Variants in MRPL37 observed in about 807,000 individuals in gnomAD.
MRPL37 encodes the protein mitochondrial ribosomal protein L37, also known as large ribosomal subunit protein mL37.
Under a neutral mutation model 44.1 loss-of-function variants are expected in MRPL37, and 34 were observed. The observed-to-expected ratio is 0.77, with a 90% CI of 0.59 to 1.03. The LOEUF (loss-of-function observed/expected upper bound fraction) is 1.03. MRPL37 is among the 50% of genes least tolerant of loss of function. The pLI is 0.00. For missense variants in MRPL37, 532 were observed against 543.7 expected, an observed-to-expected ratio of 0.98 and a Z score of 0.21; for synonymous variants, 212 against 219.5, an observed-to-expected ratio of 0.97 and a Z score of 0.30.
intron 4 of MRPL37, among the ~76,000 whole-genome samples, chr1:54,211,490 C>CTTTTTTT (rs11405348): frequency 2.0e-5 from 3 of 148,784 alleles, no homozygotes; most frequent in African/African-American, 2.5e-5. Flanking sequence ...TTCCTAGCCT[C>CTTTTTTT]TTTTTTTTTT....
chr1:54,200,588 G>A lies in MRPL37; in HGVS notation c.345G>A (p.Glu115=). 1.3e-6 allele frequency: 2 copies of A among 1,591,064 alleles called. No homozygotes were observed. Among genetic ancestry groups the A allele is most frequent in the East Asian group, 2.3e-5 (1 of 44,432 alleles). Residue 115 remains glutamate (E), a splice_region_variant and synonymous_variant, in exon 1 of 7, where the codon GAG becomes GAA. Transcript: ENST00000360840. ...YIFHHRCRLL[E]GVKQALWLTK... Reference sequence around the variant, plus strand: ...TTCACCACCGTTGCCGCCTTCTCGAGGGTGAGGCCCCAGGACGGGCGGCAA... The same window carrying A: ...TTCACCACCGTTGCCGCCTTCTCGAAGGTGAGGCCCCAGGACGGGCGGCAA...
intron 1 of MRPL37, among the ~76,000 whole-genome samples, chr1:54,204,045 G>A (rs1557730745): frequency 6.6e-6 from 1 of 152,030 alleles, no homozygotes; most frequent in Admixed American, 6.6e-5. Context: ...GTTGACCTCT[G>A]GTATACAGAA....
At chr1:54,210,770 C>T (rs1397135604) in intron 4 of MRPL37, among the ~76,000 whole-genome samples, 1 of 152,176 alleles carries the variant, frequency 6.6e-6, no homozygotes, top group East Asian at 1.9e-4. Context: ...CTTACCTAGC[C>T]TATTGCCACA....
chr1:54,218,301 G>A lies in MRPL37; in HGVS notation c.*52G>A. On this transcript the variant is annotated 3_prime_UTR_variant, in exon 7 of 7. Coordinates refer to ENST00000360840, the MANE Select transcript of MRPL37 (RefSeq NM_016491.4). ...CCCCTCTTGCCTCTCTTCCACGGAA[G>A]AGGGCCTGGGCCCCGTGGAGCCTCA... is the stretch of plus-strand genomic sequence containing the variant. 6.2e-7 allele frequency: 1 copy of A among 1,613,496 alleles called. No homozygotes were observed. The highest frequency in any genetic ancestry group is 8.5e-7 in the Non-Finnish European group (1 of 1,179,872).
chr1:54,209,545 C>T (rs1287590165), intron 3 of MRPL37, among the ~76,000 whole-genome samples: 1 of 151,700 alleles, frequency 6.6e-6, no homozygotes, highest in African/African-American at 2.4e-5. Flanking sequence ...CTGCAAGCTC[C>T]GCCTCCCAGG....
downstream of MRPL37, among the ~76,000 whole-genome samples, chr1:54,220,061 G>T (rs186587865): frequency 4.1e-5 from 6 of 147,902 alleles, no homozygotes; most frequent in Non-Finnish European, 6.0e-5. Flanking sequence ...TGAGTCAAAC[G>T]TTTTTTTTTT....
intron 4 of MRPL37, 78 bp from the exon 5 acceptor site, chr1:54,212,423 G>A (rs1644171232): frequency 6.5e-7 from 1 of 1,538,512 alleles, no homozygotes. Flanking sequence ...CCTGGGCTAA[G>A]GCGAGGTGAC....
At chr1:54,220,024 T>C (rs1432786467), downstream of MRPL37, among the ~76,000 whole-genome samples, 1 of 152,146 alleles carries the variant, frequency 6.6e-6, no homozygotes, top group Non-Finnish European at 1.5e-5. Flanking sequence ...GCAGAGCCAT[T>C]GGGTAAGTTC....
downstream of MRPL37, among the ~76,000 whole-genome samples, chr1:54,221,187 G>T (rs1426524822): frequency 3.9e-5 from 6 of 152,160 alleles, no homozygotes; most frequent in Non-Finnish European, 8.8e-5. Context: ...TGCTGGAGGG[G>T]ACCTCACTTT....
chr1:54,217,094 AC>A (rs1432686650), intron 6 of MRPL37, among the ~76,000 whole-genome samples: 2 of 152,172 alleles, frequency 1.3e-5, no homozygotes, highest in Non-Finnish European at 2.9e-5. Context: ...GGAGAGACCT[AC>A]AGCAGGGTCA....
intron 5 of MRPL37, among the ~76,000 whole-genome samples, chr1:54,214,076 G>A (rs1400467235): frequency 6.6e-6 from 1 of 152,200 alleles, no homozygotes; most frequent in East Asian, 1.9e-4. Flanking sequence ...CCAGCTACTC[G>A]GGAGGCTGAG....
chr1:54,209,738 C>T (rs962819306), intron 3 of MRPL37, among the ~76,000 whole-genome samples: 3 of 152,030 alleles, frequency 2.0e-5, no homozygotes, highest in Non-Finnish European at 2.9e-5. Context: ...GGATTACAGG[C>T]GTGAGCCTAC....
At chr1:54,218,446 C>G (rs1406696761), downstream of MRPL37, 1 of 1,361,020 alleles carries the variant, frequency 7.3e-7, no homozygotes, top group African/African-American at 1.5e-5. Flanking sequence ...GCCCTGGAGC[C>G]TGACCTGCCC....
At chr1:54,221,295 C>A (rs115447871), downstream of MRPL37, among the ~76,000 whole-genome samples, 1 of 152,158 alleles carries the variant, frequency 6.6e-6, no homozygotes, top group African/African-American at 2.4e-5. Context: ...AGGACAGGAT[C>A]CTCTCGGGCT....
intron 6 of MRPL37, among the ~76,000 whole-genome samples, chr1:54,217,344 C>A (rs574552308): frequency 6.6e-6 from 1 of 152,320 alleles, no homozygotes; most frequent in South Asian, 2.1e-4. Context: ...ACACCAGCCA[C>A]CTCCGTGCTC....
downstream of MRPL37, among the ~76,000 whole-genome samples, chr1:54,224,732 C>T (rs867558340): frequency 6.6e-6 from 1 of 150,456 alleles, no homozygotes; most frequent in Non-Finnish European, 1.5e-5. Context: ...TCTTTCTAGT[C>T]GTGCAAGTCA....
rs2100496266 is a variant in MRPL37 at position 54,200,291 on chromosome 1, G to A, written c.48G>A (p.Gly16=). The change falls in exon 1 of 7, where the codon GGG becomes GGA. Residue 16 remains glycine (G), a synonymous_variant. Transcript: ENST00000360840. The stretch of plus-strand genomic sequence containing the variant: ...CAAGGCGGGCGCTAGCTGGCTCCGG[G>A]CAGCTCGGCCTTGGGGGCTTCGGGG... ...GPARRALAGS[G]QLGLGGFGAP... is the part of the protein sequence containing the mutation. The A allele has an allele frequency of 1.2e-6, 2 of 1,609,318 alleles. No individual in the cohort carries two copies. Among genetic ancestry groups the A allele is most frequent in the East Asian group, 4.5e-5 (2 of 44,792 alleles).
chr1:54,202,787 G>A (rs1570137193), intron 1 of MRPL37, among the ~76,000 whole-genome samples: 1 of 152,166 alleles, frequency 6.6e-6, no homozygotes, highest in Non-Finnish European at 1.5e-5. Flanking sequence ...CACTGTGTCT[G>A]GCCCAGACAC....
Position 54,209,951 on chromosome 1 carries a change from C to A in MRPL37, c.652C>A (p.Leu218Ile). 1 of 1,614,096 alleles carries A rather than the reference C, an allele frequency of 6.2e-7. No individual in the cohort carries two copies. Among genetic ancestry groups the A allele is most frequent in the Non-Finnish European group, 8.5e-7 (1 of 1,180,004 alleles). The change falls in exon 4 of 7, where the codon CTT becomes ATT. Residue 218 changes from leucine to isoleucine, a missense_variant. Coordinates refer to ENST00000360840, the MANE Select transcript of MRPL37 (RefSeq NM_016491.4). Reference sequence around the variant, plus strand: ...ACCATTTTTCTCCCTTTTAGAGTCTCTTCTCCTTCAAGTCCGTGGTTCTGG... The same window carrying A: ...ACCATTTTTCTCCCTTTTAGAGTCTATTCTCCTTCAAGTCCGTGGTTCTGG... ...TFSATWNRES[L>I]LLQVRGSGGA... is the part of the protein sequence containing the mutation.
Sources: allele counts gnomAD v4.1 joint callset (sites outside exome capture counted in the v4.1 genomes callset), GRCh38; gene constraint gnomAD v4.1.1; transcripts MANE v1.5; gene names NCBI Gene and HGNC (gene_info 2026-07-23, HGNC 2026-07-21).